SCCPDH: variants seen among roughly 807,000 people sequenced by gnomAD.
SCCPDH encodes saccharopine dehydrogenase (putative).
SCCPDH carries 34 observed loss-of-function variants against 51.5 expected under a neutral mutation model. The ratio of observed to expected loss-of-function variants is 0.66; its 90% CI spans 0.50 to 0.88. The LOEUF (loss-of-function observed/expected upper bound fraction) is 0.88. SCCPDH is among the 40% of genes least tolerant of loss of function. The pLI is 0.00. For missense variants in SCCPDH, 464 were observed against 527.1 expected (o/e 0.88, Z 1.17); for synonymous variants, 187 against 191.3 (o/e 0.98, Z 0.19).
intron 2 of SCCPDH, among the ~76,000 whole-genome samples, chr1:246,729,394 G>A (rs1433157479): frequency 1.4e-5 from 2 of 142,990 alleles, no homozygotes; most frequent in Admixed American, 1.4e-4. Context: ...TCCCAGAGCG[G>A]CCATTTTAGA....
At chr1:246,761,166 C>G (rs1172466275) in intron 9 of SCCPDH, among the ~76,000 whole-genome samples, 1 of 152,092 alleles carries the variant, frequency 6.6e-6, no homozygotes, top group Non-Finnish European at 1.5e-5. Flanking sequence ...ATGATATGTT[C>G]CCTGTACAAG....
At chr1:246,736,426 G>A (rs1668590455) in intron 3 of SCCPDH, among the ~76,000 whole-genome samples, 1 of 152,198 alleles carries the variant, frequency 6.6e-6, no homozygotes, top group African/African-American at 2.4e-5. Context: ...TTTAGGCCGG[G>A]CACGGTGGCT....
intron 2 of SCCPDH, among the ~76,000 whole-genome samples, chr1:246,731,000 C>T (rs997034512): frequency 2.0e-5 from 3 of 152,164 alleles, no homozygotes; most frequent in African/African-American, 7.2e-5. Context: ...GCGGAGGTTA[C>T]AGTGAGCTGA....
Position 246,758,453 on chromosome 1 carries a change from G to T in SCCPDH, c.695+97G>T, listed in dbSNP as rs144574514. 7.9e-4 allele frequency: 656 copies of T among 831,808 alleles called. 2 individuals are homozygous for T. Among genetic ancestry groups the T allele is most frequent in the Non-Finnish European group, 1.1e-3 (599 of 562,962 alleles). 51.5% of individuals were successfully genotyped at this position (831,808 alleles called of 1,614,324 possible). A position where few individuals can be genotyped will look rare whatever the true frequency, so the allele number is the denominator to read the frequency against. On this transcript the variant is annotated intron_variant, in intron 6 of 11. Coordinates refer to ENST00000366510, the MANE Select transcript of SCCPDH (RefSeq NM_016002.3). Reference sequence around the variant, plus strand: ...AGTATGTTACTAAGAAAAGCTTGGAGACTAATTTGTAGTAAGTTCAGAATT... The same window carrying T: ...AGTATGTTACTAAGAAAAGCTTGGATACTAATTTGTAGTAAGTTCAGAATT...
chr1:246,732,198 A>G (rs530442572), intron 2 of SCCPDH, among the ~76,000 whole-genome samples: 79 of 152,254 alleles, frequency 5.2e-4, no homozygotes, highest in African/African-American at 1.8e-3. Flanking sequence ...TTTGTTATGT[A>G]TTTGGAGATG....
chr1:246,744,050 T>C, intron 4 of SCCPDH, 26 bp from the exon 5 acceptor site: 2 of 1,466,638 alleles, frequency 1.4e-6, no homozygotes, highest in African/African-American at 2.8e-5. Context: ...TTTATTTTGC[T>C]TTTTACCATT....
At chr1:246,744,317 T>A (rs1028873487) in intron 5 of SCCPDH, among the ~76,000 whole-genome samples, 192 bp downstream of exon 5, 4 of 151,788 alleles carry the variant, frequency 2.6e-5, no homozygotes, top group African/African-American at 7.3e-5. Flanking sequence ...TATTTTATTT[T>A]ATTTATTTAT....
chr1:246,733,089 T>C (rs1668515474), intron 2 of SCCPDH, among the ~76,000 whole-genome samples: 1 of 152,186 alleles, frequency 6.6e-6, no homozygotes, highest in Non-Finnish European at 1.5e-5. Context: ...CTTTGTTTTT[T>C]ATTTTTATTT....
chr1:246,762,562 C>T (rs1669033182), intron 9 of SCCPDH, among the ~76,000 whole-genome samples: 1 of 152,092 alleles, frequency 6.6e-6, no homozygotes, highest in Non-Finnish European at 1.5e-5. Context: ...AGAATCATGG[C>T]CGGGCGCAGT....
In SCCPDH at chr1:246,759,110, A is replaced by G; in HGVS notation, c.772A>G (p.Arg258Gly). The G allele has an allele frequency of 6.2e-7, 1 of 1,606,600 alleles. No homozygotes were observed. The highest frequency in any genetic ancestry group is 1.1e-5 in the South Asian group (1 of 90,950). ...FMGSDVSVVR[R>G]TQRYLYENLE... is the part of the protein sequence containing the mutation. Reference sequence around the variant, plus strand: ...GGGATCTGATGTGTCTGTTGTAAGGAGGACTCAACGTTACTTGTATGAAAA... The same window carrying G: ...GGGATCTGATGTGTCTGTTGTAAGGGGGACTCAACGTTACTTGTATGAAAA... Residue 258 changes from arginine (R) to glycine (G), a missense_variant, in exon 7 of 12, where the codon AGG becomes GGG. Transcript: ENST00000366510.
At chr1:246,765,184 T>A (rs1179632955) in intron 10 of SCCPDH, among the ~76,000 whole-genome samples, 4 of 144,698 alleles carry the variant, frequency 2.8e-5, no homozygotes, top group Non-Finnish European at 6.1e-5. Context: ...CAGGTCCACT[T>A]GTGAACTGTG....
At chr1:246,751,411 A>G (rs1459797879) in intron 5 of SCCPDH, among the ~76,000 whole-genome samples, 1 of 152,204 alleles carries the variant, frequency 6.6e-6, no homozygotes, top group Non-Finnish European at 1.5e-5. Context: ...AATTTCCTTT[A>G]CAATTAACTT....
chr1:246,764,174 T>TA, intron 9 of SCCPDH, 72 bp from the exon 10 acceptor site: 1 of 856,112 alleles, frequency 1.2e-6, no homozygotes, highest in Non-Finnish European at 2.0e-6. Context: ...TGAAATAGAA[T>TA]AGTCGGTTTT....
rs748630635 is a variant in SCCPDH at position 246,744,147 on chromosome 1, G to A, written c.564+22G>A. 2.0e-6 allele frequency: 3 copies of A among 1,486,880 alleles called. No homozygotes were observed. The South Asian group carries it at 3.6e-5, about 18-fold the overall frequency. The allele number at this position is 1,486,880 out of a possible 1,614,324, so 92.1% of individuals were successfully genotyped here. A position where few individuals can be genotyped will look rare whatever the true frequency, so the allele number is the denominator to read the frequency against. ...TGAGGTTGGTTTTTTGGTTTGTCTT[G>A]TGTTGTTTCAAGTTAATATTAAAAA... On this transcript the variant is annotated intron_variant, in intron 5 of 11. Coordinates refer to ENST00000366510, the MANE Select transcript of SCCPDH (RefSeq NM_016002.3).
intron 2 of SCCPDH, among the ~76,000 whole-genome samples, chr1:246,730,785 G>A (rs537587623): frequency 1.2e-4 from 19 of 152,182 alleles, no homozygotes; most frequent in Non-Finnish European, 2.6e-4. Flanking sequence ...AGGGCCAGGC[G>A]CGGTGGGTCA....
intron 5 of SCCPDH, among the ~76,000 whole-genome samples, chr1:246,752,292 A>G (rs1376610684): frequency 1.3e-5 from 2 of 152,162 alleles, no homozygotes; most frequent in Non-Finnish European, 2.9e-5. Context: ...GGACCTAGAC[A>G]GAAGTGCAGA....
chr1:246,754,058 C>G (rs975642675), intron 5 of SCCPDH, among the ~76,000 whole-genome samples: 12 of 151,916 alleles, frequency 7.9e-5, no homozygotes, highest in Non-Finnish European at 1.8e-4. Context: ...TGGTTAGGCC[C>G]CATCTCTCAT....
Position 246,760,045 on chromosome 1 carries a change from G to A in SCCPDH, c.902G>A (p.Arg301Lys). ...FAGLFFLFFV[R>K]FGIGRQLLIK... ...GGACTTTTCTTTTTGTTCTTTGTGA[G>A]GTTTGGAATTGGAAGGCAACTTCTC... Residue 301 changes from arginine to lysine, a missense_variant, in exon 8 of 12, where the codon AGG becomes AAG. Physicochemically the swap from Arg to Lys is conservative, Grantham distance 26 (BLOSUM62 2). Transcript: ENST00000366510. 1 of 1,613,042 alleles carries A rather than the reference G, an allele frequency of 6.2e-7. No individual in the cohort carries two copies. Among genetic ancestry groups the A allele is most frequent in the Non-Finnish European group, 8.5e-7 (1 of 1,179,566 alleles).
At chr1:246,726,741 AAC>A in intron 1 of SCCPDH, 149 bp from the exon 2 acceptor site, 2 of 596,256 alleles carry the variant, frequency 3.4e-6, no homozygotes, top group Non-Finnish European at 5.8e-6. Context: ...CCTGATTAAA[AAC>A]AGTTTTATCT....
Sources: gnomAD v4.1 joint callset for allele counts (sites outside exome capture counted in the v4.1 genomes callset) on GRCh38, gnomAD v4.1.1 for gene constraint, MANE v1.5 for transcripts, NCBI Gene and HGNC (gene_info 2026-07-23, HGNC 2026-07-21) for gene names.